INTS9: variants seen among roughly 807,000 people sequenced by gnomAD.
INTS9 encodes protein related to CPSF subunits of 74 kDa.
Under a neutral mutation model 79.7 loss-of-function variants are expected in INTS9, and 55 were observed. That is an observed-to-expected ratio of 0.69 (90% CI 0.56 to 0.86). The LOEUF (loss-of-function observed/expected upper bound fraction) is 0.86, where lower values mean the gene tolerates loss of function less well. INTS9 is among the 40% of genes least tolerant of loss of function. The pLI, the probability that INTS9 is intolerant of heterozygous loss-of-function variation, is 0.00. For missense variants in INTS9, 721 were observed against 831.5 expected (o/e 0.87, Z 1.64); for synonymous variants, 319 against 325.2 (o/e 0.98, Z 0.20).
At chr8:28,790,770 C>T (rs1052428980) in intron 10 of INTS9, among the ~76,000 whole-genome samples, 1 of 152,222 alleles carries the variant, frequency 6.6e-6, no homozygotes, top group African/African-American at 2.4e-5. Flanking sequence ...CAGACAATCC[C>T]ATTCATTCTT....
At chr8:28,814,512 T>C (rs1366303444) in intron 6 of INTS9, among the ~76,000 whole-genome samples, 1 of 152,062 alleles carries the variant, frequency 6.6e-6, no homozygotes, top group African/African-American at 2.4e-5. Flanking sequence ...AACAGGTGTA[T>C]CAGGAAGTTG....
chr8:28,769,797 C>T (rs1802420292), intron 16 of INTS9, 92 bp downstream of exon 16: 2 of 1,501,566 alleles, frequency 1.3e-6, no homozygotes, highest in East Asian at 2.3e-5. Flanking sequence ...TGACAAGCAG[C>T]AACATCCACT....
chr8:28,870,349 C>CT lies in INTS9; in HGVS notation c.10-10787dup, dbSNP rs10580665. Among the ~76,000 whole-genome samples, 304 of 80,586 alleles carry CT rather than the reference C, an allele frequency of 3.8e-3. 7 individuals carry two copies. The highest frequency in any genetic ancestry group is 6.7e-3 in the South Asian group (11 of 1,634). 52.9% of individuals were successfully genotyped at this position (80,586 alleles called of 152,430 possible). A position where few individuals can be genotyped will look rare whatever the true frequency, so the allele number is the denominator to read the frequency against. On this transcript the variant is annotated intron_variant, in intron 1 of 16. Transcript: ENST00000521022. ...TTTTTTTTTTAGAATCAGAAAAAAG[C>CT]TTTTTTTTTTTTTTTTTTTTTTGAA...
intron 1 of INTS9, among the ~76,000 whole-genome samples, chr8:28,868,417 C>A (rs563116960): frequency 2.0e-5 from 3 of 152,082 alleles, no homozygotes; most frequent in Non-Finnish European, 4.4e-5. Context: ...TCTTTACTCT[C>A]GCTTGAGAGA....
At chr8:28,771,896 TG>T (rs1020263652) in intron 14 of INTS9, among the ~76,000 whole-genome samples, 7 of 152,162 alleles carry the variant, frequency 4.6e-5, no homozygotes, top group African/African-American at 1.7e-4. Flanking sequence ...GGCCTCACTC[TG>T]CTGCCCAGGC....
At position 28,793,884 on chromosome 8, in the gene INTS9, C is replaced by G; in HGVS notation, c.960G>C (p.Gly320=). The part of the protein sequence containing the change: ...ECLYQYIDSA[G]LSSVPLYFIS... Reference sequence around the variant, plus strand: ...TGAAGTAGAGGGGGACGCTGGAAAGCCCGGCTGAGTCGATGTACTGATATA... The same window carrying G: ...TGAAGTAGAGGGGGACGCTGGAAAGGCCGGCTGAGTCGATGTACTGATATA... Residue 320 remains glycine, a synonymous_variant, in exon 10 of 17, where the codon GGG becomes GGC. Transcript: ENST00000521022. The G allele has an allele frequency of 2.5e-6, 4 of 1,613,874 alleles. No homozygotes were observed. The highest frequency in any genetic ancestry group is 3.4e-6 in the Non-Finnish European group (4 of 1,179,978).
chr8:28,806,813 GA>G (rs2131018446), intron 8 of INTS9, among the ~76,000 whole-genome samples: 1 of 152,208 alleles, frequency 6.6e-6, no homozygotes, highest in South Asian at 2.1e-4. Flanking sequence ...AGAAAATTAT[GA>G]CATACTTAGA....
chr8:28,865,671 G>A (rs1563307478), intron 1 of INTS9, among the ~76,000 whole-genome samples: 1 of 152,126 alleles, frequency 6.6e-6, no homozygotes, highest in Non-Finnish European at 1.5e-5. Context: ...TGCCAGTCTA[G>A]GTGGTGTTTT....
intron 6 of INTS9, among the ~76,000 whole-genome samples, chr8:28,828,447 T>C (rs1016436275): frequency 2.0e-5 from 3 of 152,236 alleles, no homozygotes; most frequent in Non-Finnish European, 4.4e-5. Context: ...ATACCACTCA[T>C]TTAGTCCTTA....
intron 1 of INTS9, among the ~76,000 whole-genome samples, chr8:28,875,727 T>C (rs1809343721): frequency 6.6e-6 from 1 of 152,198 alleles, no homozygotes; most frequent in Non-Finnish European, 1.5e-5. Flanking sequence ...TCAGGGGCTA[T>C]CACCAAAACG....
intron 11 of INTS9, among the ~76,000 whole-genome samples, chr8:28,782,561 A>G (rs1803343826): frequency 6.6e-6 from 1 of 152,272 alleles, no homozygotes; most frequent in Non-Finnish European, 1.5e-5. Flanking sequence ...GCACACACAC[A>G]TGCACGACAA....
chr8:28,863,547 G>A (rs113315866), intron 1 of INTS9, among the ~76,000 whole-genome samples: 21,018 of 152,096 alleles, frequency 0.14, 1,558 homozygotes, highest in Middle Eastern at 0.18. Context: ...AGGCCAAGGC[G>A]GGAAGATCAC....
Position 28,769,905 on chromosome 8 carries a change from A to T in INTS9, c.1784T>A (p.Val595Glu). 1.2e-6 allele frequency: 2 copies of T among 1,614,186 alleles called. No homozygotes were observed. Among genetic ancestry groups the T allele is most frequent in the Non-Finnish European group, 1.7e-6 (2 of 1,180,014 alleles). Residue 595 changes from valine (V) to glutamate (E), a missense_variant, in exon 16 of 17, where the codon GTG becomes GAG. By Grantham distance (121) the Val-to-Glu change is moderately radical. Coordinates refer to ENST00000521022, the MANE Select transcript of INTS9 (RefSeq NM_018250.4). The stretch of plus-strand genomic sequence containing the variant: ...CCAGCTCACCTTCTCCAGGGTCTGC[A>T]CGAACTGCTCCACAGGGATGGAACC... ...LSGSIPVEQF[V>E]QTLEKHGFSD...
intron 1 of INTS9, among the ~76,000 whole-genome samples, chr8:28,872,520 G>A (rs1328670520): frequency 6.6e-6 from 1 of 151,872 alleles, no homozygotes; most frequent in Non-Finnish European, 1.5e-5. Flanking sequence ...GCAACTAGAT[G>A]TAGCCATGTA....
intron 14 of INTS9, among the ~76,000 whole-genome samples, chr8:28,774,460 T>C (rs1013746696): frequency 1.3e-5 from 2 of 152,022 alleles, no homozygotes; most frequent in Non-Finnish European, 1.5e-5. Flanking sequence ...GCTTAGAGAG[T>C]TGAAATCTAA....
At chr8:28,877,997 A>G (rs1167828970) in intron 1 of INTS9, among the ~76,000 whole-genome samples, 2 of 152,184 alleles carry the variant, frequency 1.3e-5, no homozygotes, top group Non-Finnish European at 2.9e-5. Context: ...AGTATCTTGA[A>G]ACCAAAAGAA....
Position 28,794,273 on chromosome 8 carries a change from A to T in INTS9, c.857-286T>A, listed in dbSNP as rs1804076268. On this transcript the variant is annotated intron_variant, in intron 9 of 16. Transcript: ENST00000521022. ...GCTGAGCTTCAGGACAGAGCCTCCA[A>T]GCTCCTTCCCGTTTTAGATCCTGCT... is the stretch of plus-strand genomic sequence containing the variant. 2.6e-5 allele frequency among the ~76,000 whole-genome samples: 4 copies of T among 152,248 alleles called. 1 individual carries two copies. In the South Asian group the frequency reaches 8.3e-4, roughly 32 times the overall value.
chr8:28,808,690 T>C (rs1026845559), intron 8 of INTS9, among the ~76,000 whole-genome samples: 1 of 152,248 alleles, frequency 6.6e-6, no homozygotes, highest in Non-Finnish European at 1.5e-5. Context: ...CATGCAGACA[T>C]AAGATCTGTA....
At position 28,769,854 on chromosome 8, in the gene INTS9, G is replaced by A. The variant is rs1802423946; in HGVS notation, c.1800+35C>T. Reference sequence around the variant, plus strand: ...GTGAGCCAGGGAAAGGCTGCCACGTGTGGAGTTTTCACGGCACCAGCGAAA... The same window carrying A: ...GTGAGCCAGGGAAAGGCTGCCACGTATGGAGTTTTCACGGCACCAGCGAAA... On this transcript the variant is annotated intron_variant, in intron 16 of 16. Coordinates refer to ENST00000521022, the MANE Select transcript of INTS9 (RefSeq NM_018250.4). 3.1e-6 allele frequency: 5 copies of A among 1,610,558 alleles called. No individual in the cohort carries two copies. The Admixed American group carries it at 8.4e-5, about 27-fold the overall frequency.
Sources: allele counts gnomAD v4.1 joint callset (sites outside exome capture counted in the v4.1 genomes callset), GRCh38; gene constraint gnomAD v4.1.1; transcripts MANE v1.5; gene names NCBI Gene and HGNC (gene_info 2026-07-23, HGNC 2026-07-21).